Variants in DET1 observed in about 807,000 individuals in gnomAD.
The protein encoded by DET1 is DET1 homolog.
Under a neutral mutation model 43.7 loss-of-function variants are expected in DET1, and 22 were observed. The ratio of observed to expected loss-of-function variants is 0.50; its 90% confidence interval spans 0.36 to 0.72. The LOEUF is 0.72. DET1 is among the 30% of genes least tolerant of loss of function. DET1 has a pLI of 0.00. For missense variants in DET1, 713 were observed against 713.3 expected, an observed-to-expected ratio of 1.00 and a Z score of 0.00; for synonymous variants, 315 against 266.2, an observed-to-expected ratio of 1.18 and a Z score of -1.79.
At chr15:88,539,268 C>G (rs2057033714) in intron 1 of DET1, among the ~76,000 whole-genome samples, 1 of 151,926 alleles carries the variant, frequency 6.6e-6, no homozygotes, top group Non-Finnish European at 1.5e-5. Flanking sequence ...TTTGAGTGGG[C>G]CCTCACCTGC....
chr15:88,541,546 T>A (rs1230351365), intron 1 of DET1, among the ~76,000 whole-genome samples: 2 of 152,038 alleles, frequency 1.3e-5, no homozygotes, highest in African/African-American at 4.8e-5. Context: ...AATTACGGAG[T>A]CTGCCTTTAA....
chr15:88,531,301 G>C lies in DET1; in HGVS notation c.405C>G (p.Ala135=). The C allele has an allele frequency of 6.2e-7, 1 of 1,613,926 alleles. No homozygotes were observed. Among genetic ancestry groups the C allele is most frequent in the Non-Finnish European group, 8.5e-7 (1 of 1,179,868 alleles). Residue 135 remains alanine (A), a synonymous_variant, in exon 2 of 5, where the codon GCC becomes GCG. Transcript: ENST00000268148. This position sits in a 1 kb window ranked among gnomAD's most constrained non-coding sequence, Gnocchi z 6.2. ...ACTCCCGGTTCAGGTGCTCACCATT[G>C]GCCGCAACATTGGTAATGTGCAGCA... The part of the protein sequence containing the change: ...FVLLHITNVA[A]NGEHLNRECS...
downstream of DET1, among the ~76,000 whole-genome samples, chr15:88,510,490 C>T (rs189144801): frequency 6.6e-5 from 10 of 152,290 alleles, no homozygotes; most frequent in South Asian, 1.9e-3. Flanking sequence ...TTCAGCCCCA[C>T]GAACATGTAA....
Position 88,531,723 on chromosome 15 carries a change from G to C in DET1, c.-10-8C>G, listed in dbSNP as rs1444302807. On this transcript the variant is annotated splice_region_variant and splice_polypyrimidine_tract_variant and intron_variant, in intron 1 of 4. Transcript: ENST00000268148. The surrounding 1 kb of genome is among the most constrained non-coding windows in gnomAD (Gnocchi z 6.2). The stretch of plus-strand genomic sequence containing the variant: ...TGATCCATTATCACATCTCTAAACA[G>C]AAAAGTAAAGCAGAAGTCAAGAAAG... 6.3e-7 allele frequency: 1 copy of C among 1,586,048 alleles called. No individual in the cohort carries two copies. Among genetic ancestry groups the C allele is most frequent in the East Asian group, 2.3e-5 (1 of 44,332 alleles).
At chr15:88,523,638 G>A (rs1417550419) in intron 3 of DET1, among the ~76,000 whole-genome samples, 5 of 152,202 alleles carry the variant, frequency 3.3e-5, no homozygotes, top group Non-Finnish European at 7.3e-5. Flanking sequence ...ACGGGGTTTT[G>A]CTGTGTTGGC....
chr15:88,522,581 T>C (rs2056527083), intron 3 of DET1, among the ~76,000 whole-genome samples: 2 of 139,224 alleles, frequency 1.4e-5, no homozygotes, highest in South Asian at 4.9e-4. Context: ...CAAATTCGGC[T>C]CACTGCAAGC....
intron 4 of DET1, among the ~76,000 whole-genome samples, chr15:88,515,893 C>T (rs528189994): frequency 3.5e-4 from 53 of 152,116 alleles, no homozygotes; most frequent in Non-Finnish European, 6.6e-4. Flanking sequence ...GTTTATTATG[C>T]TCTTCTACTT....
At position 88,512,690 on chromosome 15, in the gene DET1, G is replaced by T. The variant is rs868256929; in HGVS notation, c.*261C>A. The T allele has an allele frequency of 9.1e-6, 11 of 1,210,014 alleles. No individual in the cohort carries two copies. The highest frequency in any genetic ancestry group is 1.5e-5 in the African/African-American group (1 of 64,614). 75.0% of individuals were successfully genotyped at this position (1,210,014 alleles called of 1,614,324 possible). ...ATCAAATGCAAAGTAAAGCAAAAAT[G>T]AAATGGACTTAATTAATGCTGGGCA... On this transcript the variant is annotated 3_prime_UTR_variant, in exon 5 of 5. Coordinates refer to ENST00000268148, the MANE Select transcript of DET1 (RefSeq NM_001144074.3).
At chr15:88,541,993 C>T (rs1389194333) in intron 1 of DET1, among the ~76,000 whole-genome samples, 3 of 152,132 alleles carry the variant, frequency 2.0e-5, no homozygotes, top group East Asian at 1.9e-4. Context: ...AGGTGATGAG[C>T]GCTCAGCCCC....
Position 88,543,257 on chromosome 15 carries a change from G to T in DET1, c.-11+3283C>A, listed in dbSNP as rs529327002. Among the ~76,000 whole-genome samples the T allele has an allele frequency of 1.1e-4, 17 of 152,308 alleles. 1 individual carries two copies. In the South Asian group the frequency reaches 3.3e-3, roughly 30 times the overall value. ...AAGAGGCTGGATCCTGTGGCCTCTG[G>T]ATGGCCAAGTAGCAGCTAGAGCAAG... On this transcript the variant is annotated intron_variant, in intron 1 of 4. Transcript: ENST00000268148.
intron 1 of DET1, among the ~76,000 whole-genome samples, chr15:88,536,051 T>C (rs187926780): frequency 6.6e-6 from 1 of 152,274 alleles, no homozygotes; most frequent in African/African-American, 2.4e-5. Context: ...AGTAACCAGA[T>C]AGAAACCACG....
At chr15:88,529,600 T>C (rs2056759478) in intron 2 of DET1, among the ~76,000 whole-genome samples, 1 of 152,226 alleles carries the variant, frequency 6.6e-6, no homozygotes, top group Non-Finnish European at 1.5e-5. Context: ...GGTGAGGTTT[T>C]AGGACACGAT....
intron 7 of DET1, among the ~76,000 whole-genome samples, chr15:88,507,176 A>C (rs747976409): frequency 6.6e-6 from 1 of 152,176 alleles, no homozygotes; most frequent in Non-Finnish European, 1.5e-5. Flanking sequence ...TATATAGTCC[A>C]TTCCCATGGC....
At chr15:88,543,504 C>T (rs756033341) in intron 1 of DET1, among the ~76,000 whole-genome samples, 16 of 152,192 alleles carry the variant, frequency 1.1e-4, no homozygotes, top group Admixed American at 3.3e-4. Flanking sequence ...TAGAAACTAC[C>T]GAAACTGGCC....
chr15:88,543,882 C>G (rs1330735971), intron 1 of DET1, among the ~76,000 whole-genome samples: 1 of 152,130 alleles, frequency 6.6e-6, no homozygotes. Context: ...CAGGTAAATG[C>G]CAAGCAAGGT....
downstream of DET1, chr15:88,512,369 A>C (rs989520946): frequency 1.0e-6 from 1 of 985,260 alleles, no homozygotes; most frequent in Non-Finnish European, 1.2e-6. Flanking sequence ...TCTCCCAGGA[A>C]CAGCTGCTGC....
intron 1 of DET1, among the ~76,000 whole-genome samples, chr15:88,542,696 C>T (rs2057141724): frequency 6.6e-6 from 1 of 152,018 alleles, no homozygotes; most frequent in African/African-American, 2.4e-5. Context: ...CTGATAAAGC[C>T]TATAAAAGAC....
At chr15:88,506,139 G>A (rs1018624620) in intron 7 of DET1, among the ~76,000 whole-genome samples, 9 of 152,130 alleles carry the variant, frequency 5.9e-5, no homozygotes, top group Admixed American at 3.3e-4. Context: ...GCATTTACTG[G>A]GCACTTATTG....
At chr15:88,536,453 T>C (rs990257113) in intron 1 of DET1, 6 of 655,224 alleles carry the variant, frequency 9.2e-6, no homozygotes, top group Middle Eastern at 4.0e-4. Flanking sequence ...GGTATGAGCC[T>C]TGAAGAATAA....
Sources: gnomAD v4.1 joint callset for allele counts (sites outside exome capture counted in the v4.1 genomes callset) on GRCh38, gnomAD v4.1.1 for gene constraint, Gnocchi (gnomAD v3.1) non-coding constraint, MANE v1.5 for transcripts, NCBI Gene and HGNC (gene_info 2026-07-23, HGNC 2026-07-21) for gene names.